The following CHD1 variants were observed in gnomAD, a reference collection of about 807,000 sequenced individuals.
CHD1 encodes the protein chromodomain helicase DNA binding protein 1.
A neutral mutation model predicts 224.2 loss-of-function variants in CHD1; 36 were observed. The observed-to-expected ratio is 0.16, with a 90% CI of 0.12 to 0.21. The LOEUF is 0.21. Ranked by LOEUF, CHD1 falls within the 10% of genes least tolerant of loss-of-function variation. CHD1 has a pLI of 1.00. For missense variants in CHD1, 1,378 were observed against 1,994.8 expected, an observed-to-expected ratio of 0.69 and a Z score of 5.89; for synonymous variants, 668 against 658.3, an observed-to-expected ratio of 1.01 and a Z score of -0.23.
intron 22 of CHD1, among the ~76,000 whole-genome samples, 165 bp downstream of exon 22, chr5:98,880,911 T>C (rs2112389916): frequency 6.6e-6 from 1 of 152,344 alleles, no homozygotes. Flanking sequence ...TTTGGTCTCT[T>C]TCAAATCAGT....
chr5:98,917,299 C>CCAAAAAAAAAA (rs775841258), intron 2 of CHD1, among the ~76,000 whole-genome samples: 26 of 119,846 alleles, frequency 2.2e-4, no homozygotes, highest in African/African-American at 6.7e-4. Flanking sequence ...AACAAAGAAA[C>CCAAAAAAAAAA]AAAAAAAAAA....
chr5:98,904,812 G>C (rs1257761590), intron 3 of CHD1, 85 bp downstream of exon 3: 9 of 1,180,158 alleles, frequency 7.6e-6, no homozygotes, highest in Non-Finnish European at 1.1e-5. Context: ...CTAAAAGCTA[G>C]ATTAAGAATG....
At chr5:98,897,506 AAC>A (rs1382598429) in intron 10 of CHD1, among the ~76,000 whole-genome samples, 186 bp from the exon 11 acceptor site, 3 of 152,150 alleles carry the variant, frequency 2.0e-5, no homozygotes. Flanking sequence ...TACAAAAATG[AAC>A]AGTGAAATAT....
chr5:98,868,865 C>T (rs161739), intron 30 of CHD1: 83,363 of 505,420 alleles, frequency 0.16, 7,923 homozygotes, highest in Middle Eastern at 0.26. Context: ...AGTGTTCAGA[C>T]CTACTATTCT....
intron 2 of CHD1, among the ~76,000 whole-genome samples, chr5:98,911,841 T>C (rs1752443888): frequency 6.6e-6 from 1 of 152,144 alleles, no homozygotes; most frequent in Non-Finnish European, 1.5e-5. Context: ...AGAGGAACTG[T>C]CCAGAATGAA....
chr5:98,857,525 TTTC>T (rs1274204587), intron 35 of CHD1, among the ~76,000 whole-genome samples: 1 of 152,128 alleles, frequency 6.6e-6, no homozygotes, highest in African/African-American at 2.4e-5. Context: ...TTCTAATTTG[TTTC>T]TTCTACTTAC....
intron 2 of CHD1, among the ~76,000 whole-genome samples, chr5:98,906,522 A>G (rs191111951): frequency 4.5e-4 from 68 of 152,332 alleles, no homozygotes; most frequent in Admixed American, 1.0e-3. Flanking sequence ...ATTGAGAACT[A>G]TCATGTGTTA....
At chr5:98,893,028 A>AAGT (rs1377799245) in intron 14 of CHD1, among the ~76,000 whole-genome samples, 1 of 152,184 alleles carries the variant, frequency 6.6e-6, no homozygotes, top group African/African-American at 2.4e-5. Flanking sequence ...GAAAGAGAAC[A>AAGT]AGTAGTGACC....
intron 18 of CHD1, 62 bp from the exon 19 acceptor site, chr5:98,883,299 T>C: frequency 8.8e-7 from 1 of 1,142,204 alleles, no homozygotes; most frequent in East Asian, 2.4e-5. Context: ...ACGTAAGCAG[T>C]ATGGTACTAA....
At chr5:98,888,451 T>C (rs1750794624) in intron 16 of CHD1, among the ~76,000 whole-genome samples, 1 of 152,212 alleles carries the variant, frequency 6.6e-6, no homozygotes, top group East Asian at 1.9e-4. Flanking sequence ...CACCTAGGTT[T>C]TGTTATACTA....
At chr5:98,917,323 T>C (rs1416897796) in intron 2 of CHD1, among the ~76,000 whole-genome samples, 1 of 85,448 alleles carries the variant, frequency 1.2e-5, no homozygotes, top group African/African-American at 7.5e-5. Context: ...AACCTCTTAA[T>C]TAATATTGGG....
chr5:98,856,513 T>C lies in CHD1; in HGVS notation c.5000A>G (p.Asp1667Gly), dbSNP rs1477289620. ...DYRYHSDWQM[D>G]HRASSSGPRS... ...AGGGCCACTGCTGGAAGCTCTGTGG[T>C]CCATTTGCCAGTCTGAGTGATACCT... The change falls in exon 36 of 36, where the codon GAC becomes GGC. Residue 1667 changes from aspartate to glycine, a missense_variant. Transcript: ENST00000614616. 4 of 1,613,892 alleles carry C rather than the reference T, an allele frequency of 2.5e-6. No individual in the cohort carries two copies. The highest frequency in any genetic ancestry group is 3.4e-6 in the Non-Finnish European group (4 of 1,179,794).
intron 30 of CHD1, 24 bp downstream of exon 30, chr5:98,869,730 T>C (rs776168231): frequency 2.2e-5 from 35 of 1,609,676 alleles, no homozygotes; most frequent in Non-Finnish European, 3.0e-5. Flanking sequence ...TAGAAAAGGT[T>C]GTTGTTCTAA....
chr5:98,868,635 A>G lies in CHD1; in HGVS notation c.4108T>C (p.Leu1370=). 6.4e-7 allele frequency: 1 copy of G among 1,553,924 alleles called. No homozygotes were observed. The highest frequency in any genetic ancestry group is 2.3e-5 in the East Asian group (1 of 43,520). The change falls in exon 31 of 36, where the codon TTG becomes CTG. Residue 1370 remains leucine, a splice_region_variant and synonymous_variant. Transcript: ENST00000614616. ...CTACCATCAGACTTGGATTCACTCA[A>G]CTAAAGAAAAAGTGAAAAGAAAACA... ...SEKSDEDDDK[L]SESKSDGRER...
chr5:98,920,435 T>C (rs956950156), intron 2 of CHD1, among the ~76,000 whole-genome samples: 2 of 152,226 alleles, frequency 1.3e-5, no homozygotes, highest in Non-Finnish European at 2.9e-5. Context: ...TCCCATATGA[T>C]GTGACTAGCA....
chr5:98,889,928 C>A (rs1203404797), intron 15 of CHD1: 1 of 152,184 alleles, frequency 6.6e-6, no homozygotes, highest in Non-Finnish European at 1.5e-5. Context: ...GAGCTGTAGA[C>A]CATAATCTAA....
intron 12 of CHD1, among the ~76,000 whole-genome samples, chr5:98,895,260 CATAA>C (rs1167964947): frequency 3.3e-5 from 5 of 149,968 alleles, no homozygotes; most frequent in African/African-American, 1.3e-4. Flanking sequence ...TTTAAGAAAA[CATAA>C]GTGATTAATT....
At chr5:98,924,356 T>C (rs903352576) in intron 2 of CHD1, among the ~76,000 whole-genome samples, 7 of 152,222 alleles carry the variant, frequency 4.6e-5, no homozygotes, top group Admixed American at 2.6e-4. Flanking sequence ...GAATCAAAGC[T>C]CAGATTCAAA....
At chr5:98,886,941 TTGAC>T (rs981055880) in intron 17 of CHD1, among the ~76,000 whole-genome samples, 4 of 152,086 alleles carry the variant, frequency 2.6e-5, no homozygotes, top group Non-Finnish European at 4.4e-5. Flanking sequence ...AATTTTTTGT[TTGAC>T]TATGTACACA....
Sources: allele counts gnomAD v4.1 joint callset (sites outside exome capture counted in the v4.1 genomes callset), GRCh38; gene constraint gnomAD v4.1.1; transcripts MANE v1.5; gene names NCBI Gene and HGNC (gene_info 2026-07-23, HGNC 2026-07-21).